The following HCN1 variants were observed in gnomAD, a reference collection of about 807,000 sequenced individuals.
HCN1 encodes potassium/sodium hyperpolarization-activated cyclic nucleotide-gated channel 1.
Under a neutral mutation model 78.9 loss-of-function variants are expected in HCN1, and 13 were observed. That is an observed-to-expected ratio of 0.16 (90% CI 0.11 to 0.26). The LOEUF is 0.26. Among genes scored for constraint, HCN1 ranks in the 10% least tolerant of loss-of-function variants. The pLI, the probability that HCN1 is intolerant of heterozygous loss-of-function variation, is 1.00. For missense variants in HCN1, 810 were observed against 1,154.3 expected (o/e 0.70, Z 4.32); for synonymous variants, 552 against 455.5 (o/e 1.21, Z -2.70).
chr5:45,632,372 T>C (rs1245054733), intron 2 of HCN1, among the ~76,000 whole-genome samples: 2 of 151,998 alleles, frequency 1.3e-5, no homozygotes, highest in Non-Finnish European at 1.5e-5. Flanking sequence ...ATAGATATTT[T>C]GCTGACAAAC....
intron 1 of HCN1, among the ~76,000 whole-genome samples, chr5:45,665,598 A>G (rs1734760133): frequency 6.6e-6 from 1 of 152,022 alleles, no homozygotes; most frequent in African/African-American, 2.4e-5. Flanking sequence ...TTGGTACCAG[A>G]GAGATACTTG....
intron 2 of HCN1, among the ~76,000 whole-genome samples, chr5:45,470,883 C>T (rs964220733): frequency 1.3e-5 from 2 of 151,948 alleles, no homozygotes; most frequent in African/African-American, 4.8e-5. Flanking sequence ...TCATTTTTCT[C>T]TAGACCTACT....
intron 2 of HCN1, among the ~76,000 whole-genome samples, chr5:45,494,744 A>C (rs983782898): frequency 6.6e-6 from 1 of 152,176 alleles, no homozygotes; most frequent in Non-Finnish European, 1.5e-5. Flanking sequence ...TCTAACGTTT[A>C]AGTCTTTACT....
At chr5:45,435,912 G>A (rs1740553111) in intron 3 of HCN1, among the ~76,000 whole-genome samples, 1 of 152,114 alleles carries the variant, frequency 6.6e-6, no homozygotes, top group Non-Finnish European at 1.5e-5. Flanking sequence ...ATGAACAAGT[G>A]TCCAAGAGTG....
chr5:45,385,163 G>T (rs539333910), intron 4 of HCN1, among the ~76,000 whole-genome samples: 24 of 152,152 alleles, frequency 1.6e-4, no homozygotes, highest in South Asian at 1.4e-3. Flanking sequence ...TTTAGCTGTT[G>T]TGTGAATTTA....
rs1201515505 is a variant in HCN1 at position 45,626,311 on chromosome 5, CG to C, written c.849+18873del. ...TTAGACCACCTCTTCTGAATATTGACGTGGAAATCACTGAAATACTACGCTC... is the reference window on the plus strand; with the variant it reads ...TTAGACCACCTCTTCTGAATATTGACTGGAAATCACTGAAATACTACGCTC... On this transcript the variant is annotated intron_variant, in intron 2 of 7. Transcript: ENST00000303230. 2.0e-5 allele frequency among the ~76,000 whole-genome samples: 3 copies of C among 152,162 alleles called. No homozygotes were observed. The East Asian group carries it at 5.8e-4, about 29-fold the overall frequency.
rs1171263691 is a variant in HCN1, at chr5:45,696,333, G to C, written c.-240C>G. ...CTGCGGTCCGGGCTCCGGTGCGGCT[G>C]GTGCTGAAGCTGAGGCTGCCGGAGC... On this transcript the variant is annotated 5_prime_UTR_variant, in exon 1 of 8. Transcript: ENST00000303230. 2.6e-5 allele frequency: 4 copies of C among 156,854 alleles called. No homozygotes were observed. The East Asian group carries it at 7.6e-4, about 30-fold the overall frequency. 9.7% of individuals were successfully genotyped at this position (156,854 alleles called of 1,614,324 possible). A position where few individuals can be genotyped will look rare whatever the true frequency, so the allele number is the denominator to read the frequency against.
intron 2 of HCN1, among the ~76,000 whole-genome samples, chr5:45,579,230 G>C (rs1241302297): frequency 6.6e-6 from 1 of 152,052 alleles, no homozygotes; most frequent in African/African-American, 2.4e-5. Flanking sequence ...CAAACGGAAA[G>C]GTAATCTTAT....
intron 3 of HCN1, among the ~76,000 whole-genome samples, chr5:45,459,502 T>C (rs1741100105): frequency 7.2e-6 from 1 of 139,706 alleles, no homozygotes; most frequent in South Asian, 2.3e-4. Flanking sequence ...TATGTTGGAA[T>C]AAACATACTA....
intron 2 of HCN1, among the ~76,000 whole-genome samples, chr5:45,473,485 T>C (rs769791288): frequency 2.6e-5 from 4 of 151,914 alleles, no homozygotes; most frequent in African/African-American, 4.8e-5. Flanking sequence ...ACACTTACCC[T>C]TTCTTCTTAC....
At chr5:45,592,374 T>C (rs927039117) in intron 2 of HCN1, among the ~76,000 whole-genome samples, 2 of 152,170 alleles carry the variant, frequency 1.3e-5, no homozygotes, top group Non-Finnish European at 2.9e-5. Context: ...GGAACACTAA[T>C]AGGGAGCTCA....
intron 5 of HCN1, among the ~76,000 whole-genome samples, chr5:45,305,581 A>G (rs1169063190): frequency 1.3e-5 from 2 of 151,870 alleles, no homozygotes; most frequent in Non-Finnish European, 2.9e-5. Context: ...TAGCTGATGC[A>G]TGGAGTGTGG....
intron 3 of HCN1, among the ~76,000 whole-genome samples, chr5:45,427,993 A>G (rs1380001382): frequency 1.3e-5 from 2 of 152,020 alleles, no homozygotes; most frequent in Non-Finnish European, 2.9e-5. Context: ...AAGAGGGTGT[A>G]TTGTAGAGTT....
Position 45,401,581 on chromosome 5 carries a change from C to T in HCN1, c.1012-4871G>A, listed in dbSNP as rs185258537. On this transcript the variant is annotated intron_variant, in intron 3 of 7. Coordinates refer to ENST00000303230, the MANE Select transcript of HCN1 (RefSeq NM_021072.4). ...AAAGCTATCTCTAAATAAGATTATT[C>T]CTATGTCCTGAATGTTTTTTCAGAT... 3.2e-4 allele frequency among the ~76,000 whole-genome samples: 48 copies of T among 151,588 alleles called. 1 individual carries two copies. In the East Asian group the frequency reaches 7.2e-3, roughly 23 times the overall value.
chr5:45,383,020 T>C (rs976242704), intron 4 of HCN1, among the ~76,000 whole-genome samples: 6 of 152,268 alleles, frequency 3.9e-5, no homozygotes, highest in African/African-American at 7.2e-5. Flanking sequence ...AGGAGGTTTG[T>C]CATAACGTTT....
intron 6 of HCN1, among the ~76,000 whole-genome samples, chr5:45,289,254 T>C (rs1745327005): frequency 6.6e-6 from 1 of 152,048 alleles, no homozygotes. Context: ...TTATTATTCA[T>C]ACAGAAAGAT....
At chr5:45,618,110 T>C (rs1387302990) in intron 2 of HCN1, among the ~76,000 whole-genome samples, 1 of 142,748 alleles carries the variant, frequency 7.0e-6, no homozygotes, top group Non-Finnish European at 1.6e-5. Flanking sequence ...GCTAATGCAC[T>C]TAGTAGATTT....
chr5:45,685,300 T>G (rs1444394618), intron 1 of HCN1, among the ~76,000 whole-genome samples: 1 of 152,196 alleles, frequency 6.6e-6, no homozygotes. Flanking sequence ...AAGTAGCACA[T>G]GCAACCCAAT....
chr5:45,471,344 T>A (rs1561167409), intron 2 of HCN1, among the ~76,000 whole-genome samples: 1 of 151,910 alleles, frequency 6.6e-6, no homozygotes, highest in Non-Finnish European at 1.5e-5. Flanking sequence ...CCATTATAAC[T>A]TCTGACTCCA....
Sources: allele counts gnomAD v4.1 joint callset (sites outside exome capture counted in the v4.1 genomes callset), GRCh38; gene constraint gnomAD v4.1.1; transcripts MANE v1.5; gene names NCBI Gene and HGNC (gene_info 2026-07-23, HGNC 2026-07-21).